DIP2C: variants seen among roughly 807,000 people sequenced by gnomAD.
The protein encoded by DIP2C is disco-interacting protein 2 homolog C.
Under a neutral mutation model 192.4 loss-of-function variants are expected in DIP2C, and 33 were observed. That is an observed-to-expected ratio of 0.17 (90% CI 0.13 to 0.23). The LOEUF is 0.23. Among genes scored for constraint, DIP2C ranks in the 10% least tolerant of loss-of-function variants. The pLI is 1.00. For synonymous variants in DIP2C, 979 were observed against 864.1 expected, an observed-to-expected ratio of 1.13 and a Z score of -2.33; for missense variants, 1,537 against 2,110.1, an observed-to-expected ratio of 0.73 and a Z score of 5.32.
intron 3 of DIP2C, among the ~76,000 whole-genome samples, chr10:462,990 T>A (rs924831136): frequency 2.0e-5 from 3 of 152,160 alleles, no homozygotes; most frequent in African/African-American, 7.2e-5. Flanking sequence ...AAACTCTCAA[T>A]AAACTAGATA....
intron 2 of DIP2C, among the ~76,000 whole-genome samples, chr10:480,371 A>G (rs1214459024): frequency 6.8e-6 from 1 of 147,212 alleles, no homozygotes; most frequent in Non-Finnish European, 1.5e-5. Context: ...GCTCCGGTCC[A>G]TGCTCACTGG....
intron 9 of DIP2C, among the ~76,000 whole-genome samples, chr10:404,696 C>A (rs1390727495): frequency 6.6e-6 from 1 of 152,184 alleles, no homozygotes; most frequent in African/African-American, 2.4e-5. Flanking sequence ...GGATCACTGG[C>A]AGACACAAAA....
intron 24 of DIP2C, among the ~76,000 whole-genome samples, chr10:353,483 G>A (rs1266496569): frequency 6.6e-6 from 1 of 151,934 alleles, no homozygotes; most frequent in Non-Finnish European, 1.5e-5. Flanking sequence ...CTGCTTCCCG[G>A]GTTCAAGCGA....
chr10:366,470 GA>G lies in DIP2C; in HGVS notation c.2132-60del, dbSNP rs1344919181. On this transcript the variant is annotated intron_variant, in intron 18 of 36. Transcript: ENST00000280886. The stretch of plus-strand genomic sequence containing the variant: ...GAGGGGGCAGGTGGGGAGAATAAAG[GA>G]AACAGGGAAGACGCGAATATGAACG... The G allele has an allele frequency of 2.5e-5, 41 of 1,608,412 alleles. No individual in the cohort carries two copies. In the Admixed American group the frequency reaches 6.3e-4, roughly 25 times the overall value.
At position 390,879 on chromosome 10, in the gene DIP2C, A is replaced by T. The variant is rs1325403938; in HGVS notation, c.1261-16T>A. ...TCCCTGCGTCCTGAGAGGGCAACAG[A>T]GAGGAGTTGAGAATCCACGACCTGC... On this transcript the variant is annotated splice_polypyrimidine_tract_variant and intron_variant, in intron 10 of 36. Transcript: ENST00000280886. 4.3e-6 allele frequency: 7 copies of T among 1,612,924 alleles called. No homozygotes were observed. The highest frequency in any genetic ancestry group is 5.9e-6 in the Non-Finnish European group (7 of 1,179,548).
rs1463825703 is a variant in DIP2C at position 414,016 on chromosome 10, C to T, written c.954G>A (p.Pro318=). The T allele has an allele frequency of 3.1e-6, 5 of 1,613,992 alleles. No individual in the cohort carries two copies. The highest frequency in any genetic ancestry group is 1.1e-5 in the South Asian group (1 of 91,074). ...EQLGVVTNWP[P]SLEAALQRWG... ...ACCTCTGCAGTGCGGCCTCCAGCGACGGCGGCCAGTTCGTGACCACGCCCA... is the reference window on the plus strand; with the variant it reads ...ACCTCTGCAGTGCGGCCTCCAGCGATGGCGGCCAGTTCGTGACCACGCCCA... Residue 318 remains proline, a synonymous_variant, in exon 8 of 37, where the codon CCG becomes CCA. Coordinates refer to ENST00000280886, the MANE Select transcript of DIP2C (RefSeq NM_014974.3).
intron 1 of DIP2C, among the ~76,000 whole-genome samples, chr10:536,679 G>C (rs1042664857): frequency 7.9e-5 from 12 of 152,312 alleles, no homozygotes; most frequent in African/African-American, 2.2e-4. Context: ...CTCTGTGGAG[G>C]GGGGGCCATC....
intron 1 of DIP2C, among the ~76,000 whole-genome samples, chr10:529,193 A>G: frequency 6.6e-6 from 1 of 152,240 alleles, no homozygotes; most frequent in East Asian, 1.9e-4. Context: ...ACACTGCACC[A>G]TAGACCCGGT....
chr10:526,814 C>A (rs1424239955), intron 1 of DIP2C, among the ~76,000 whole-genome samples: 1 of 152,182 alleles, frequency 6.6e-6, no homozygotes, highest in Non-Finnish European at 1.5e-5. Context: ...CCGCCAGCAC[C>A]ATCTTCTCCC....
At chr10:420,822 C>A (rs79887299) in intron 5 of DIP2C, among the ~76,000 whole-genome samples, 2,560 of 152,256 alleles carry the variant, frequency 0.017, 73 homozygotes, top group African/African-American at 0.058. Context: ...CAGCCCTGGG[C>A]TTTTCTCCCC....
intron 1 of DIP2C, among the ~76,000 whole-genome samples, chr10:683,646 G>A (rs905449485): frequency 1.3e-5 from 2 of 152,162 alleles, no homozygotes; most frequent in Non-Finnish European, 2.9e-5. Flanking sequence ...GCAGGAGTTT[G>A]CTTTTTTAAA....
intron 22 of DIP2C, among the ~76,000 whole-genome samples, chr10:362,172 G>A (rs376132258): frequency 6.6e-6 from 1 of 152,156 alleles, no homozygotes; most frequent in African/African-American, 2.4e-5. Context: ...TGAACCCAAT[G>A]TGCTTAGAAA....
chr10:466,449 T>C (rs1164307633), intron 3 of DIP2C, among the ~76,000 whole-genome samples: 1 of 139,282 alleles, frequency 7.2e-6, no homozygotes, highest in Non-Finnish European at 1.6e-5. Flanking sequence ...GAAGAAAACC[T>C]AGGCATTACC....
chr10:373,210 T>C lies in DIP2C; in HGVS notation c.1992-3577A>G, dbSNP rs77770694. 6.0e-3 allele frequency among the ~76,000 whole-genome samples: 919 copies of C among 152,252 alleles called. 4 individuals carry two copies. Among genetic ancestry groups the C allele is most frequent in the Middle Eastern group, 0.014 (4 of 294 alleles). ...CTGAGTGAATCAGTCTACTGCTCTC[T>C]TCTTTTTATAAAAACTTAGAAGCAA... On this transcript the variant is annotated intron_variant, in intron 17 of 36. Coordinates refer to ENST00000280886, the MANE Select transcript of DIP2C (RefSeq NM_014974.3).
chr10:580,418 TAC>T (rs1304254694), intron 1 of DIP2C, among the ~76,000 whole-genome samples: 1 of 152,210 alleles, frequency 6.6e-6, no homozygotes, highest in Non-Finnish European at 1.5e-5. Context: ...ATGGTGTATG[TAC>T]ACAGGTACAT....
At chr10:427,251 A>G (rs746734784) in intron 4 of DIP2C, among the ~76,000 whole-genome samples, 9 of 152,192 alleles carry the variant, frequency 5.9e-5, no homozygotes, top group Non-Finnish European at 1.2e-4. Flanking sequence ...CCTCATCTTT[A>G]AAGTCCATCA....
chr10:385,491 T>C (rs558593970), intron 14 of DIP2C, among the ~76,000 whole-genome samples: 1 of 152,224 alleles, frequency 6.6e-6, no homozygotes, highest in East Asian at 1.9e-4. Context: ...TTCTTCCCGG[T>C]GTGTTATGCT....
Position 689,529 on chromosome 10 carries a change from GC to G in DIP2C, c.49del (p.Ala17ArgfsTer27). On this transcript the variant is annotated frameshift_variant, in exon 1 of 37. Coordinates refer to ENST00000280886, the MANE Select transcript of DIP2C (RefSeq NM_014974.3). LOFTEE classifies it high-confidence loss of function. This position sits in a 1 kb window ranked among gnomAD's most constrained non-coding sequence, Gnocchi z 6.1. ...CTCCAGCTCCAGCTCGGCCAGGCGC[GC>G]CCGCACCTCCAGGGGCAGCGCCATG... ...EGMALPLEVRARLAELELELS... is the reference protein window; with the variant it reads ...EGMALPLEVRXRLAELELELS... 7.7e-7 allele frequency: 1 copy of G among 1,298,260 alleles called. No homozygotes were observed. The highest frequency in any genetic ancestry group is 1.0e-6 in the Non-Finnish European group (1 of 1,004,798). The allele number at this position is 1,298,260 out of a possible 1,614,324, so 80.4% of individuals were successfully genotyped here.
intron 1 of DIP2C, among the ~76,000 whole-genome samples, chr10:673,506 A>T (rs547451895): frequency 6.6e-6 from 1 of 152,296 alleles, no homozygotes; most frequent in African/African-American, 2.4e-5. Flanking sequence ...TTCAGGAGCA[A>T]ATCATAACAA....
Sources: allele counts gnomAD v4.1 joint callset (sites outside exome capture counted in the v4.1 genomes callset), GRCh38; gene constraint gnomAD v4.1.1; non-coding constraint Gnocchi (gnomAD v3.1); transcripts MANE v1.5; gene names NCBI Gene and HGNC (gene_info 2026-07-23, HGNC 2026-07-21).